The following ABLIM2 variants were observed in gnomAD, a reference collection of about 807,000 sequenced individuals.
ABLIM2 encodes actin binding LIM protein family member 2, also known as actin-binding LIM protein 2.
A neutral mutation model predicts 97.7 loss-of-function variants in ABLIM2; 53 were observed. That is an observed-to-expected ratio of 0.54 (90% CI 0.44 to 0.68). The LOEUF (loss-of-function observed/expected upper bound fraction) is 0.68, where lower values mean the gene tolerates loss of function less well. Ranked by LOEUF, ABLIM2 falls within the 30% of genes least tolerant of loss-of-function variation. ABLIM2 has a pLI of 0.00. For synonymous variants in ABLIM2, 361 were observed against 345.8 expected (o/e 1.04, Z -0.49); for missense variants, 835 against 867.2 (o/e 0.96, Z 0.47).
chr4:7,970,026 C>T lies in ABLIM2; in HGVS notation c.1825-2923G>A, dbSNP rs956239442. On this transcript the variant is annotated intron_variant, in intron 20 of 20. Transcript: ENST00000447017. This position sits in a 1 kb window ranked among gnomAD's most constrained non-coding sequence, Gnocchi z 5.3. ...AGCCCTGCACTTACAGGTACAAAATCACCATCTTCTGAATTATGGTGGAAC... is the reference window on the plus strand; with the variant it reads ...AGCCCTGCACTTACAGGTACAAAATTACCATCTTCTGAATTATGGTGGAAC... Among the ~76,000 whole-genome samples, 2 of 152,180 alleles carry T rather than the reference C, an allele frequency of 1.3e-5. No homozygotes were observed. Among genetic ancestry groups the T allele is most frequent in the Non-Finnish European group, 2.9e-5 (2 of 68,026 alleles).
rs1821179959 is a variant in ABLIM2, at chr4:8,083,377, C to T, written c.455-2575G>A. Among the ~76,000 whole-genome samples the T allele has an allele frequency of 6.6e-6, 1 of 152,220 alleles. No homozygotes were observed. The highest frequency in any genetic ancestry group is 1.5e-5 in the Non-Finnish European group (1 of 68,044). On this transcript the variant is annotated intron_variant, in intron 4 of 20. Coordinates refer to ENST00000447017, the MANE Select transcript of ABLIM2 (RefSeq NM_001130083.2). The surrounding 1 kb of genome is among the most constrained non-coding windows in gnomAD (Gnocchi z 4.6). Reference sequence around the variant, plus strand: ...GGGCCCACCTCTGCTCTCACTGCCACTGCTGTTGTTGCCAGGTGGTCCCCT... The same window carrying T: ...GGGCCCACCTCTGCTCTCACTGCCATTGCTGTTGTTGCCAGGTGGTCCCCT...
At chr4:8,079,172 G>T (rs946717930) in intron 5 of ABLIM2, among the ~76,000 whole-genome samples, 3 of 152,216 alleles carry the variant, frequency 2.0e-5, no homozygotes, top group Admixed American at 1.3e-4. Context: ...TTCCATGTGA[G>T]GGGGAGACAT....
At chr4:8,052,140 G>A (rs1796435837) in intron 8 of ABLIM2, among the ~76,000 whole-genome samples, 1 of 152,206 alleles carries the variant, frequency 6.6e-6, no homozygotes, top group Admixed American at 6.5e-5. Context: ...GAAGACCCTG[G>A]TGTTTCTCCA....
Position 8,061,674 on chromosome 4 carries a change from C to T in ABLIM2, c.676-620G>A, listed in dbSNP as rs1478792721. ...GGAGCAAAAAAAAAAAAAATCACCC[C>T]GAAATGCTCCCTTTACCCCCACGTT... is the stretch of plus-strand genomic sequence containing the variant. On this transcript the variant is annotated intron_variant, in intron 6 of 20. Coordinates refer to ENST00000447017, the MANE Select transcript of ABLIM2 (RefSeq NM_001130083.2). This position sits in a 1 kb window ranked among gnomAD's most constrained non-coding sequence, Gnocchi z 4.5. 2.6e-5 allele frequency among the ~76,000 whole-genome samples: 4 copies of T among 151,774 alleles called. No individual in the cohort carries two copies. Among genetic ancestry groups the T allele is most frequent in the African/African-American group, 4.8e-5 (2 of 41,300 alleles).
At chr4:8,013,219 CTTTTT>C (rs60424207) in intron 14 of ABLIM2, among the ~76,000 whole-genome samples, 2 of 110,594 alleles carry the variant, frequency 1.8e-5, no homozygotes, top group East Asian at 2.5e-4. Context: ...AACATTTTTC[CTTTTT>C]TTTTTTTTTT....
At chr4:7,975,664 C>G (rs534295107) in intron 20 of ABLIM2, among the ~76,000 whole-genome samples, 1 of 152,278 alleles carries the variant, frequency 6.6e-6, no homozygotes, top group African/African-American at 2.4e-5. Context: ...TAGTCACTTG[C>G]TCCTTAATTT....
At chr4:8,047,769 G>A (rs185180506) in intron 8 of ABLIM2, among the ~76,000 whole-genome samples, 64 of 152,320 alleles carry the variant, frequency 4.2e-4, no homozygotes, top group African/African-American at 1.4e-3. Flanking sequence ...CGGGCTTACC[G>A]TTTCTGAGGA....
At chr4:7,984,773 G>C (rs899381758) in intron 18 of ABLIM2, 66 bp downstream of exon 18, 2 of 1,491,252 alleles carry the variant, frequency 1.3e-6, no homozygotes, top group African/African-American at 2.8e-5. Context: ...TTCAGAACAA[G>C]TCTTGTGGAA....
intron 12 of ABLIM2, 182 bp from the exon 13 acceptor site, chr4:8,020,485 G>A: frequency 2.9e-6 from 2 of 687,678 alleles, no homozygotes; most frequent in Non-Finnish European, 5.3e-6. Context: ...TGTGTCCAAG[G>A]ACTTGCTAAT....
intron 20 of ABLIM2, 81 bp from the exon 21 acceptor site, chr4:7,967,184 C>T (rs1440638818): frequency 2.1e-5 from 25 of 1,173,082 alleles, no homozygotes; most frequent in Non-Finnish European, 5.0e-6. Context: ...TGCCGCCAAG[C>T]AATCCAGGGG....
At chr4:8,030,125 C>T (rs1043087445) in intron 10 of ABLIM2, among the ~76,000 whole-genome samples, 1 of 152,196 alleles carries the variant, frequency 6.6e-6, no homozygotes, top group African/African-American at 2.4e-5. Flanking sequence ...GCTCTTAGAA[C>T]ACAGTGTGAG....
chr4:8,009,284 G>A (rs1763334011), intron 14 of ABLIM2, among the ~76,000 whole-genome samples, 182 bp from the exon 15 acceptor site: 1 of 152,206 alleles, frequency 6.6e-6, no homozygotes, highest in Non-Finnish European at 1.5e-5. Context: ...CAGGGATCAC[G>A]ACCCAGGGAG....
chr4:8,082,836 G>C lies in ABLIM2; in HGVS notation c.455-2034C>G, dbSNP rs1182120697. Among the ~76,000 whole-genome samples, 1 of 152,178 alleles carries C rather than the reference G, an allele frequency of 6.6e-6. No individual in the cohort carries two copies. ...ACCCCCACATCACCCAATCTGCCGC[G>C]CTCCTTCCTGTGTCTCTGCAGAGTC... On this transcript the variant is annotated intron_variant, in intron 4 of 20. Coordinates refer to ENST00000447017, the MANE Select transcript of ABLIM2 (RefSeq NM_001130083.2). This position sits in a 1 kb window ranked among gnomAD's most constrained non-coding sequence, Gnocchi z 5.6.
chr4:8,131,988 G>A (rs917576515), intron 1 of ABLIM2, among the ~76,000 whole-genome samples: 2 of 145,412 alleles, frequency 1.4e-5, no homozygotes, highest in African/African-American at 2.6e-5. Flanking sequence ...ACGGCAGCCC[G>A]CATCCCCTGC....
chr4:8,000,853 G>A (rs1756663857), intron 16 of ABLIM2, among the ~76,000 whole-genome samples: 1 of 152,168 alleles, frequency 6.6e-6, no homozygotes, highest in African/African-American at 2.4e-5. Flanking sequence ...CTGTGATCCA[G>A]GGCCCTGAGC....
intron 3 of ABLIM2, among the ~76,000 whole-genome samples, chr4:8,090,547 C>A (rs972490484): frequency 2.0e-5 from 3 of 152,016 alleles, no homozygotes; most frequent in Admixed American, 6.6e-5. Flanking sequence ...CTGCCACCAC[C>A]ACAGTCATGA....
chr4:8,153,312 A>G lies in ABLIM2; in HGVS notation c.10+5368T>C, dbSNP rs115224485. Among the ~76,000 whole-genome samples, 577 of 152,288 alleles carry G rather than the reference A, an allele frequency of 3.8e-3. 3 individuals carry two copies. Among genetic ancestry groups the G allele is most frequent in the African/African-American group, 0.013 (561 of 41,560 alleles). On this transcript the variant is annotated intron_variant, in intron 1 of 20. Transcript: ENST00000447017. ...AAGAGTTCATCAAACTCAAGACTTG[A>G]TTCTACAAAATATCCTATCTACCCC...
chr4:8,112,690 C>A lies in ABLIM2; in HGVS notation c.11-6053G>T, dbSNP rs1018083431. ...GACACCACAGTGAACACAACAGCCA[C>A]GGTCCCAGCCCTCGACATTCTCTTG... On this transcript the variant is annotated intron_variant, in intron 1 of 20. Transcript: ENST00000447017. This position sits in a 1 kb window ranked among gnomAD's most constrained non-coding sequence, Gnocchi z 4.2. 1.3e-5 allele frequency among the ~76,000 whole-genome samples: 2 copies of A among 152,192 alleles called. No individual in the cohort carries two copies. Among genetic ancestry groups the A allele is most frequent in the Non-Finnish European group, 2.9e-5 (2 of 68,030 alleles).
rs1198887131 is a variant in ABLIM2, at chr4:8,124,112, T to C, written c.11-17475A>G. 2.6e-5 allele frequency among the ~76,000 whole-genome samples: 4 copies of C among 152,162 alleles called. No homozygotes were observed. The highest frequency in any genetic ancestry group is 9.7e-5 in the African/African-American group (4 of 41,428). On this transcript the variant is annotated intron_variant, in intron 1 of 20. Transcript: ENST00000447017. The surrounding 1 kb of genome is among the most constrained non-coding windows in gnomAD (Gnocchi z 6.1). ...CACACTCTCACACACCTGGGACATA[T>C]GATATGACATCACAACCTAGAATAA...
Sources: gnomAD v4.1 joint callset for allele counts (sites outside exome capture counted in the v4.1 genomes callset) on GRCh38, gnomAD v4.1.1 for gene constraint, Gnocchi (gnomAD v3.1) non-coding constraint, MANE v1.5 for transcripts, NCBI Gene and HGNC (gene_info 2026-07-23, HGNC 2026-07-21) for gene names.